The following PACS1 variants were observed in gnomAD, a reference collection of about 807,000 sequenced individuals.
PACS1 encodes phosphofurin acidic cluster sorting protein 1, also known as PACS-1.
Under a neutral mutation model 115.0 loss-of-function variants are expected in PACS1, and 24 were observed. The observed-to-expected ratio is 0.21, with a 90% CI of 0.15 to 0.29. The LOEUF is 0.29. Ranked by LOEUF, PACS1 falls within the 10% of genes least tolerant of loss-of-function variation. PACS1 has a pLI of 1.00. For synonymous variants in PACS1, 453 were observed against 504.5 expected, an observed-to-expected ratio of 0.90 and a Z score of 1.37; for missense variants, 838 against 1,251.2, an observed-to-expected ratio of 0.67 and a Z score of 4.98.
intron 1 of PACS1, among the ~76,000 whole-genome samples, chr11:66,136,541 A>G (rs1858851453): frequency 1.3e-5 from 2 of 152,056 alleles, no homozygotes. Context: ...TTATTCTCCT[A>G]TCTTTTCCAG....
chr11:66,207,224 T>C (rs1226057447), intron 2 of PACS1, among the ~76,000 whole-genome samples: 1 of 152,200 alleles, frequency 6.6e-6, no homozygotes, highest in Non-Finnish European at 1.5e-5. Context: ...ACCAGCACTT[T>C]GGGAGGCCAA....
chr11:66,182,574 C>T (rs1346714676), intron 1 of PACS1, among the ~76,000 whole-genome samples: 1 of 152,074 alleles, frequency 6.6e-6, no homozygotes, highest in Non-Finnish European at 1.5e-5. Flanking sequence ...GTGAGCCTCT[C>T]ACCTTAGCCT....
At position 66,230,603 on chromosome 11, in the gene PACS1, A is replaced by C. The variant is rs956838435; in HGVS notation, c.1430A>C (p.Glu477Ala). Residue 477 changes from glutamate to alanine, a missense_variant, in exon 12 of 24, where the codon GAG becomes GCG. Around this residue, in one of 6 missense-constraint regions of PACS1, gnomAD observed 383 missense variants for 537.0 expected, o/e 0.71. Transcript: ENST00000320580. The stretch of plus-strand genomic sequence containing the variant: ...GCCAGCACGAGTCTGGTTGTGCCGG[A>C]GAAAGTCAAAACTCCCATGAAGTCC... ...GDASTSLVVPEKVKTPMKSSK... is the reference protein window; with the variant it reads ...GDASTSLVVPAKVKTPMKSSK... 1 of 1,614,028 alleles carries C rather than the reference A, an allele frequency of 6.2e-7. No homozygotes were observed. Among genetic ancestry groups the C allele is most frequent in the African/African-American group, 1.3e-5 (1 of 74,906 alleles).
At chr11:66,111,140 C>T (rs1858178166) in intron 1 of PACS1, among the ~76,000 whole-genome samples, 1 of 152,198 alleles carries the variant, frequency 6.6e-6, no homozygotes, top group Non-Finnish European at 1.5e-5. Context: ...TGCTCCTAAG[C>T]TACAAACCTG....
chr11:66,110,254 A>G (rs1166861717), intron 1 of PACS1, among the ~76,000 whole-genome samples: 1 of 152,166 alleles, frequency 6.6e-6, no homozygotes, highest in African/African-American at 2.4e-5. Context: ...TGACCCTTTG[A>G]TAAACTACCA....
At chr11:66,227,709 C>G in intron 11 of PACS1, 125 bp downstream of exon 11, 1 of 596,106 alleles carries the variant, frequency 1.7e-6, no homozygotes, top group Non-Finnish European at 3.0e-6. Context: ...TTATGAATGT[C>G]CTGCACTCTC....
intron 1 of PACS1, among the ~76,000 whole-genome samples, chr11:66,079,902 C>A (rs140805189): frequency 1.3e-5 from 2 of 152,310 alleles, no homozygotes; most frequent in African/African-American, 4.8e-5. Flanking sequence ...AGGGCTTTTG[C>A]ACTTGCTGTT....
chr11:66,207,330 G>A (rs1310764238), intron 2 of PACS1, among the ~76,000 whole-genome samples: 1 of 152,114 alleles, frequency 6.6e-6, no homozygotes, highest in Non-Finnish European at 1.5e-5. Context: ...AGCTGGGCGT[G>A]ATGGCACTCA....
At chr11:66,166,296 C>T (rs550590555) in intron 1 of PACS1, among the ~76,000 whole-genome samples, 10 of 152,104 alleles carry the variant, frequency 6.6e-5, no homozygotes, top group South Asian at 2.1e-4. Context: ...TACAGGTGCC[C>T]GCCACTACAC....
chr11:66,100,345 A>C (rs1857886622), intron 1 of PACS1, among the ~76,000 whole-genome samples: 1 of 151,960 alleles, frequency 6.6e-6, no homozygotes, highest in Non-Finnish European at 1.5e-5. Flanking sequence ...ATATTTACTT[A>C]TTTGCTCCTT....
intron 2 of PACS1, among the ~76,000 whole-genome samples, chr11:66,201,054 C>G (rs1210895173): frequency 6.6e-6 from 1 of 151,786 alleles, no homozygotes; most frequent in Non-Finnish European, 1.5e-5. Flanking sequence ...GCCCGTCTGC[C>G]CTAAAAATAC....
At chr11:66,182,938 T>C (rs991368609) in intron 1 of PACS1, among the ~76,000 whole-genome samples, 1 of 152,200 alleles carries the variant, frequency 6.6e-6, no homozygotes, top group Admixed American at 6.5e-5. Context: ...GAGACCAGCC[T>C]GGGCAACATG....
intron 1 of PACS1, among the ~76,000 whole-genome samples, chr11:66,092,715 G>C (rs1372802605): frequency 3.3e-5 from 5 of 152,060 alleles, no homozygotes; most frequent in Non-Finnish European, 7.4e-5. Flanking sequence ...TGTAAGGAAG[G>C]GATCCAGTTT....
chr11:66,101,823 G>C (rs753587843), intron 1 of PACS1, among the ~76,000 whole-genome samples: 122 of 152,302 alleles, frequency 8.0e-4, no homozygotes, highest in Non-Finnish European at 1.4e-3. Context: ...GACGGTTACT[G>C]GGGGGAGAGC....
chr11:66,220,511 G>A, intron 8 of PACS1, 120 bp from the exon 9 acceptor site: 1 of 918,424 alleles, frequency 1.1e-6, no homozygotes, highest in South Asian at 1.6e-5. Context: ...CAGCCAGTGT[G>A]AAGCTCTGGC....
chr11:66,086,198 C>T (rs1331695840), intron 1 of PACS1, among the ~76,000 whole-genome samples: 12 of 139,438 alleles, frequency 8.6e-5, no homozygotes, highest in South Asian at 2.2e-4. Context: ...AGTGCAGTGG[C>T]GCGATCTCGG....
rs1390507164 is a variant in PACS1 at position 66,243,035 on chromosome 11, C to T, written c.2776+4C>T. Reference sequence around the variant, plus strand: ...CAGCAGCAGACTATGCTGAGAGGTGCGAGGGCAGGCAGGGCCGGGAGGAGG... The same window carrying T: ...CAGCAGCAGACTATGCTGAGAGGTGTGAGGGCAGGCAGGGCCGGGAGGAGG... On this transcript the variant is annotated splice_donor_region_variant and intron_variant, in intron 23 of 23. Coordinates refer to ENST00000320580, the MANE Select transcript of PACS1 (RefSeq NM_018026.4). The T allele has an allele frequency of 6.2e-7, 1 of 1,613,718 alleles. No individual in the cohort carries two copies. Among genetic ancestry groups the T allele is most frequent in the Non-Finnish European group, 8.5e-7 (1 of 1,179,838 alleles).
chr11:66,146,930 G>A (rs1214378603), intron 1 of PACS1, among the ~76,000 whole-genome samples: 1 of 152,154 alleles, frequency 6.6e-6, no homozygotes, highest in Non-Finnish European at 1.5e-5. Context: ...GATGGCACAT[G>A]CCTGTAATCC....
chr11:66,089,774 A>G (rs1429687400), intron 1 of PACS1, among the ~76,000 whole-genome samples: 3 of 152,114 alleles, frequency 2.0e-5, no homozygotes, highest in Non-Finnish European at 2.9e-5. Flanking sequence ...TAGGATGCCA[A>G]GGTGGGCAGA....
Sources: gnomAD v4.1 joint callset for allele counts (sites outside exome capture counted in the v4.1 genomes callset) on GRCh38, gnomAD v4.1.1 for gene constraint, gnomAD v4.1.1 regional missense constraint, MANE v1.5 for transcripts, NCBI Gene and HGNC (gene_info 2026-07-23, HGNC 2026-07-21) for gene names.